The following OSBPL8 variants were observed in gnomAD, a reference collection of about 807,000 sequenced individuals.
The protein encoded by OSBPL8 is oxysterol binding protein like 8.
Under a neutral mutation model 125.5 loss-of-function variants are expected in OSBPL8, and 59 were observed. The ratio of observed to expected loss-of-function variants is 0.47; its 90% CI spans 0.38 to 0.58. The LOEUF (loss-of-function observed/expected upper bound fraction) is 0.58, where lower values mean the gene tolerates loss of function less well. OSBPL8 is among the 20% of genes least tolerant of loss of function. The probability of loss-of-function intolerance (pLI) is 0.00; values close to 1 mark genes in which losing one functional copy is unlikely to be tolerated. For missense variants in OSBPL8, 758 were observed against 1,047.8 expected (o/e 0.72, Z 3.82); for synonymous variants, 330 against 338.9 (o/e 0.97, Z 0.29).
At chr12:76,421,119 T>C (rs1759277224) in intron 4 of OSBPL8, among the ~76,000 whole-genome samples, 1 of 152,044 alleles carries the variant, frequency 6.6e-6, no homozygotes, top group African/African-American at 2.4e-5. Flanking sequence ...CTAAGTGGAC[T>C]TGTGGCATGA....
At chr12:76,493,003 C>T (rs1375302927) in intron 1 of OSBPL8, among the ~76,000 whole-genome samples, 1 of 152,078 alleles carries the variant, frequency 6.6e-6, no homozygotes, top group African/African-American at 2.4e-5. Flanking sequence ...TTAAAATGCA[C>T]TTCTTCCTCT....
At chr12:76,509,381 T>C (rs1262032786) in intron 1 of OSBPL8, among the ~76,000 whole-genome samples, 1 of 152,146 alleles carries the variant, frequency 6.6e-6, no homozygotes, top group Non-Finnish European at 1.5e-5. Flanking sequence ...CTACAGTAGA[T>C]TAAATCCTGA....
chr12:76,543,463 T>C (rs953141677), intron 1 of OSBPL8, among the ~76,000 whole-genome samples: 4 of 151,890 alleles, frequency 2.6e-5, no homozygotes, highest in Admixed American at 2.0e-4. Context: ...ATATTACATA[T>C]ATATTTCTTC....
At chr12:76,442,302 T>C (rs1228965328) in intron 4 of OSBPL8, among the ~76,000 whole-genome samples, 2 of 152,174 alleles carry the variant, frequency 1.3e-5, no homozygotes, top group African/African-American at 4.8e-5. Context: ...AAAGATACCA[T>C]AACATTTTAT....
At chr12:76,533,398 C>T (rs1950403954) in intron 1 of OSBPL8, among the ~76,000 whole-genome samples, 1 of 152,184 alleles carries the variant, frequency 6.6e-6, no homozygotes, top group African/African-American at 2.4e-5. Flanking sequence ...GCTTCATTTC[C>T]TCTTACCCAC....
chr12:76,455,807 A>G (rs1410062007), intron 3 of OSBPL8, among the ~76,000 whole-genome samples: 1 of 152,202 alleles, frequency 6.6e-6, no homozygotes, highest in Non-Finnish European at 1.5e-5. Flanking sequence ...TTTTTTCTGT[A>G]TCCCTTGGCA....
Position 76,358,688 on chromosome 12 carries a change from T to G in OSBPL8, c.2434+18A>C. The stretch of plus-strand genomic sequence containing the variant: ...TTAAAAAGTTAGACTCTCATTAGTC[T>G]GCAATAAATATTTTTACCTTCACTT... On this transcript the variant is annotated intron_variant, in intron 22 of 23. Transcript: ENST00000261183. 6.4e-7 allele frequency: 1 copy of G among 1,561,206 alleles called. No homozygotes were observed. Among genetic ancestry groups the G allele is most frequent in the Non-Finnish European group, 8.8e-7 (1 of 1,132,084 alleles).
chr12:76,443,424 A>G (rs1872414463), intron 4 of OSBPL8, among the ~76,000 whole-genome samples: 1 of 152,178 alleles, frequency 6.6e-6, no homozygotes, highest in South Asian at 2.1e-4. Context: ...GCTATAATTT[A>G]GGCTCCAGGC....
At chr12:76,414,954 T>C (rs1332041982) in intron 4 of OSBPL8, among the ~76,000 whole-genome samples, 1 of 152,320 alleles carries the variant, frequency 6.6e-6, no homozygotes, top group East Asian at 1.9e-4. Context: ...TAGATTTTCA[T>C]CCAACTTAGT....
At chr12:76,450,765 G>C in intron 4 of OSBPL8, 86 bp downstream of exon 4, 1 of 1,327,620 alleles carries the variant, frequency 7.5e-7, no homozygotes, top group Non-Finnish European at 1.0e-6. Flanking sequence ...AAAAAAATAT[G>C]ATAGTCCCCA....
At chr12:76,544,177 T>C (rs1950720172) in intron 1 of OSBPL8, among the ~76,000 whole-genome samples, 1 of 152,208 alleles carries the variant, frequency 6.6e-6, no homozygotes, top group Non-Finnish European at 1.5e-5. Context: ...GGAACTCCTC[T>C]TTTCTAACCA....
intron 2 of OSBPL8, among the ~76,000 whole-genome samples, chr12:76,487,021 ATTTTTTTTTT>A (rs63178360): frequency 1.6e-4 from 16 of 101,900 alleles, no homozygotes; most frequent in African/African-American, 5.9e-4. Context: ...TGCAATTTTC[ATTTTTTTTTT>A]TTTTTTTTTT....
chr12:76,355,959 T>C lies in OSBPL8; in HGVS notation c.2600A>G (p.Gln867Arg), dbSNP rs778115931. 6 of 1,613,404 alleles carry C rather than the reference T, an allele frequency of 3.7e-6. No individual in the cohort carries two copies. The highest frequency in any genetic ancestry group is 5.1e-6 in the Non-Finnish European group (6 of 1,179,568). Reference sequence around the variant, plus strand: ...GAAAATGATGAAGTAGTCTTTTTGTTGCAGAAAATAATCCGTGGCCGGTGT... The same window carrying C: ...GAAAATGATGAAGTAGTCTTTTTGTCGCAGAAAATAATCCGTGGCCGGTGT... ...SSTPATDYFLQQKDYFIIFLL... is the reference protein window; with the variant it reads ...SSTPATDYFLRQKDYFIIFLL... Residue 867 changes from glutamine (Q) to arginine (R), a missense_variant, in exon 24 of 24, where the codon CAA (glutamine) becomes CGA (arginine). This residue lies in a region of OSBPL8 where 572 missense variants were observed against 762.0 expected (regional missense o/e 0.75). Transcript: ENST00000261183.
At chr12:76,379,492 A>T (rs1952955385) in intron 15 of OSBPL8, among the ~76,000 whole-genome samples, 1 of 152,116 alleles carries the variant, frequency 6.6e-6, no homozygotes, top group Admixed American at 6.5e-5. Context: ...AGAACTTCCC[A>T]TTATCCCCAA....
chr12:76,551,021 G>T (rs1261960850), intron 1 of OSBPL8, among the ~76,000 whole-genome samples: 1 of 152,060 alleles, frequency 6.6e-6, no homozygotes, highest in Non-Finnish European at 1.5e-5. Flanking sequence ...CTCCAGCCTG[G>T]AGTGCAGGAG....
chr12:76,475,987 C>T (rs571427601), intron 2 of OSBPL8, among the ~76,000 whole-genome samples: 10 of 152,162 alleles, frequency 6.6e-5, no homozygotes, highest in Non-Finnish European at 1.3e-4. Flanking sequence ...CAACTACTAC[C>T]GTCCACTGCG....
intron 3 of OSBPL8, among the ~76,000 whole-genome samples, chr12:76,459,091 G>C (rs1312804671): frequency 6.6e-6 from 1 of 152,104 alleles, no homozygotes; most frequent in African/African-American, 2.4e-5. Flanking sequence ...AGACACACTG[G>C]ACTAGTAACC....
rs747901633 is a variant in OSBPL8 at position 76,484,487 on chromosome 12, G to T, written c.42+3023C>A. ...TAAAAATAGTTGCTTTTATTTAATGGATGTTTACGTATGTGTAGCCTTGTA... is the reference window on the plus strand; with the variant it reads ...TAAAAATAGTTGCTTTTATTTAATGTATGTTTACGTATGTGTAGCCTTGTA... On this transcript the variant is annotated intron_variant, in intron 2 of 23. Coordinates refer to ENST00000261183, the MANE Select transcript of OSBPL8 (RefSeq NM_020841.5). Among the ~76,000 whole-genome samples, 42 of 152,088 alleles carry T rather than the reference G, an allele frequency of 2.8e-4. 1 individual carries two copies. Among genetic ancestry groups the T allele is most frequent in the South Asian group, 2.1e-4 (1 of 4,820 alleles).
chr12:76,427,768 G>A (rs1870320329), intron 4 of OSBPL8, among the ~76,000 whole-genome samples: 2 of 152,016 alleles, frequency 1.3e-5, no homozygotes, highest in South Asian at 4.1e-4. Context: ...TAAGTTATGT[G>A]AGGTATTTAT....
Sources: allele counts gnomAD v4.1 joint callset (sites outside exome capture counted in the v4.1 genomes callset), GRCh38; gene constraint gnomAD v4.1.1; regional missense constraint gnomAD v4.1.1; transcripts MANE v1.5; gene names NCBI Gene and HGNC (gene_info 2026-07-23, HGNC 2026-07-21).